Variants in SDHA observed in about 807,000 individuals in gnomAD.
SDHA encodes the protein succinate dehydrogenase complex flavoprotein subunit A.
A neutral mutation model predicts 78.4 loss-of-function variants in SDHA; 48 were observed. The observed-to-expected ratio is 0.61, with a 90% CI of 0.49 to 0.78. The LOEUF is 0.78. SDHA is among the 30% of genes least tolerant of loss of function. SDHA has a pLI of 0.00. For missense variants in SDHA, 680 were observed against 892.7 expected, an observed-to-expected ratio of 0.76 and a Z score of 3.04; for synonymous variants, 326 against 353.9, an observed-to-expected ratio of 0.92 and a Z score of 0.88.
At chr5:234,017 A>G (rs189856713) in intron 8 of SDHA, 10 of 302,390 alleles carry the variant, frequency 3.3e-5, no homozygotes, top group Admixed American at 9.6e-5. Flanking sequence ...GCTTTCAGTA[A>G]AACAGTTTGC....
At chr5:254,567 G>A (rs924909820) in intron 14 of SDHA, 61 bp downstream of exon 14, 89 of 1,494,072 alleles carry the variant, frequency 6.0e-5, no homozygotes, top group Non-Finnish European at 6.9e-5. Context: ...CCAGGCCTGC[G>A]GGCTGGCCTT....
At chr5:251,599 C>A (rs1290589713) in intron 13 of SDHA, 131 bp downstream of exon 13, 1 of 1,551,068 alleles carries the variant, frequency 6.4e-7, no homozygotes, top group African/African-American at 1.4e-5. Context: ...GCCTTTTTCC[C>A]CCCTGGTAAC....
intron 7 of SDHA, among the ~76,000 whole-genome samples, chr5:232,739 T>G (rs985754089): frequency 8.5e-5 from 13 of 152,234 alleles, no homozygotes; most frequent in African/African-American, 3.1e-4. Flanking sequence ...CTAATAAAAA[T>G]TGTAGCTTTC....
intron 10 of SDHA, among the ~76,000 whole-genome samples, chr5:238,642 T>TG (rs1477271446): frequency 2.6e-5 from 4 of 152,140 alleles, no homozygotes; most frequent in Non-Finnish European, 4.4e-5. Flanking sequence ...AGTGGTTACA[T>TG]GCGCCTATAC....
chr5:266,758 C>T, the SDHA span, among the ~76,000 whole-genome samples: 1 of 152,314 alleles, frequency 6.6e-6, no homozygotes, highest in Non-Finnish European at 1.5e-5. Context: ...GCAGTAGACA[C>T]CGTGGCCGCT....
intron 11 of SDHA, among the ~76,000 whole-genome samples, chr5:241,861 G>A (rs1192481354): frequency 6.6e-6 from 1 of 152,206 alleles, no homozygotes; most frequent in Non-Finnish European, 1.5e-5. Flanking sequence ...GTGTGACTAA[G>A]GCACAGAAGG....
chr5:232,422 T>C (rs1735468971), intron 7 of SDHA, among the ~76,000 whole-genome samples: 1 of 152,108 alleles, frequency 6.6e-6, no homozygotes. Flanking sequence ...GATGTCACCG[T>C]TTTGCCCAGG....
At chr5:229,925 C>T (rs570933683) in intron 6 of SDHA, among the ~76,000 whole-genome samples, 6 of 133,892 alleles carry the variant, frequency 4.5e-5, no homozygotes, top group African/African-American at 1.8e-4. Flanking sequence ...TTATACAGCA[C>T]GGTGGCTAGA....
Position 223,562 on chromosome 5 carries a change from A to C in SDHA, c.144A>C (p.Ser48=), listed in dbSNP as rs757353358. 3 of 1,611,290 alleles carry C rather than the reference A, an allele frequency of 1.9e-6. No individual in the cohort carries two copies. The highest frequency in any genetic ancestry group is 2.5e-6 in the Non-Finnish European group (3 of 1,177,380). The change falls in exon 2 of 15, where the codon TCA becomes TCC. Residue 48 remains serine (S), a synonymous_variant. Transcript: ENST00000264932. ...ACAAGAGGGCATCTGCTAAAGTTTC[A>C]GATTCCGTAAGTTCATGCTTTTTGT... ...DGNKRASAKV[S]DSISAQYPVV... is the part of the protein sequence containing the mutation.
At chr5:224,169 A>T (rs571121142) in intron 2 of SDHA, among the ~76,000 whole-genome samples, 191 bp from the exon 3 acceptor site, 89 of 152,332 alleles carry the variant, frequency 5.8e-4, no homozygotes, top group African/African-American at 2.0e-3. Flanking sequence ...TCTGATTGTC[A>T]GTCCCTTCTC....
rs35277230 is a variant in SDHA at position 235,249 on chromosome 5, C to T, written c.1170C>T (p.Phe390=). ...GCATTTCAGAGACAGCCATGATCTTCGCTGGCGTGGACGTCACGAAGGAGC... is the reference window on the plus strand; with the variant it reads ...GCATTTCAGAGACAGCCATGATCTTTGCTGGCGTGGACGTCACGAAGGAGC... ...LPGISETAMI[F]AGVDVTKEPI... The change falls in exon 9 of 15, where the codon TTC becomes TTT. Residue 390 remains phenylalanine (F), a synonymous_variant. Transcript: ENST00000264932. 0.019 allele frequency: 31,421 copies of T among 1,613,954 alleles called. 4,410 individuals carry two copies. The African/African-American group carries it at 0.33, about 17-fold the overall frequency.
intron 8 of SDHA, 156 bp from the exon 9 acceptor site, chr5:234,986 TGC>T: frequency 1.3e-6 from 1 of 747,598 alleles, no homozygotes; most frequent in Admixed American, 2.0e-5. Context: ...ACACAGTAGC[TGC>T]TTAGAAAAGA....
At chr5:231,607 T>C (rs1482586978) in intron 7 of SDHA, among the ~76,000 whole-genome samples, 1 of 151,412 alleles carries the variant, frequency 6.6e-6, no homozygotes, top group East Asian at 1.9e-4. Context: ...AGTGTCCCTC[T>C]TCGCAACGAG....
At chr5:223,235 C>G (rs772768711) in intron 1 of SDHA, among the ~76,000 whole-genome samples, 1 of 152,186 alleles carries the variant, frequency 6.6e-6, no homozygotes, top group Non-Finnish European at 1.5e-5. Context: ...TGTTTGGAAA[C>G]AAGCTTCATC....
At position 236,596 on chromosome 5, in the gene SDHA, C is replaced by T. The variant is rs770506764; in HGVS notation, c.1429C>T (p.Pro477Ser). 21 of 1,613,822 alleles carry T rather than the reference C, an allele frequency of 1.3e-5. No homozygotes were observed. Among genetic ancestry groups the T allele is most frequent in the Non-Finnish European group, 1.8e-5 (21 of 1,179,722 alleles). Reference sequence around the variant, plus strand: ...CCTGAGCATCGAAGAGTCATGCAGGCCTGGTAAGTGTTTTCTTCAGGAGCC... The same window carrying T: ...CCTGAGCATCGAAGAGTCATGCAGGTCTGGTAAGTGTTTTCTTCAGGAGCC... ...CALSIEESCR[P>S]GDKVPPIKPN... Residue 477 changes from proline to serine, a missense_variant, in exon 10 of 15, where the codon CCT (proline) becomes TCT (serine). Coordinates refer to ENST00000264932, the MANE Select transcript of SDHA (RefSeq NM_004168.4).
At chr5:238,954 A>G (rs1048298024) in intron 10 of SDHA, among the ~76,000 whole-genome samples, 14 of 151,690 alleles carry the variant, frequency 9.2e-5, no homozygotes, top group African/African-American at 3.4e-4. Flanking sequence ...GAGGGAGGAG[A>G]CACTGTCTCA....
rs149101259 is a variant in SDHA, at chr5:225,624, A to G, written c.456+62A>G. On this transcript the variant is annotated intron_variant, in intron 4 of 14. Transcript: ENST00000264932. Reference sequence around the variant, plus strand: ...GTTTCTAGTACAAAAGAATCCTGGAAAAAAATGTAAGCAATTGAGGCGGAT... The same window carrying G: ...GTTTCTAGTACAAAAGAATCCTGGAGAAAAATGTAAGCAATTGAGGCGGAT... 9.1e-4 allele frequency: 1,465 copies of G among 1,611,272 alleles called. 15 individuals are homozygous for G. In the African/African-American group the frequency reaches 0.018, roughly 20 times the overall value.
rs552108762 is a variant in SDHA at position 230,957 on chromosome 5, C to A, written c.852C>A (p.Gly284=). Residue 284 remains glycine (G), a synonymous_variant, in exon 7 of 15, where the codon GGC becomes GGA. Transcript: ENST00000264932. ...GDGTAMITRA[G]LPCQDLEFVQ... ...GCACGGCCATGATCACCAGGGCAGGCCTTCCTTGCCAGGACCTAGAGTTTG... is the reference window on the plus strand; with the variant it reads ...GCACGGCCATGATCACCAGGGCAGGACTTCCTTGCCAGGACCTAGAGTTTG... 8 of 1,614,008 alleles carry A rather than the reference C, an allele frequency of 5.0e-6. No individual in the cohort carries two copies. The highest frequency in any genetic ancestry group is 1.3e-5 in the African/African-American group (1 of 75,050).
the SDHA span, among the ~76,000 whole-genome samples, chr5:262,694 C>G: frequency 6.6e-6 from 1 of 152,218 alleles, no homozygotes; most frequent in Non-Finnish European, 1.5e-5. Context: ...ACTAAAAGAA[C>G]TGGCATAGAA....
Sources: allele counts gnomAD v4.1 joint callset (sites outside exome capture counted in the v4.1 genomes callset), GRCh38; gene constraint gnomAD v4.1.1; transcripts MANE v1.5; gene names NCBI Gene and HGNC (gene_info 2026-07-23, HGNC 2026-07-21).